Variants in SH3BP2 observed in about 807,000 individuals in gnomAD.
SH3BP2 encodes the protein SH3 domain-binding protein 2.
In SH3BP2, 38 loss-of-function variants were observed where a neutral mutation model predicts 56.2. The observed-to-expected ratio is 0.68, with a 90% CI of 0.52 to 0.89. The LOEUF is 0.89. Among genes scored for constraint, SH3BP2 ranks in the 40% least tolerant of loss-of-function variants. The pLI is 0.00. For synonymous variants in SH3BP2, 346 were observed against 316.7 expected (o/e 1.09, Z -0.98); for missense variants, 748 against 762.6 (o/e 0.98, Z 0.23).
intron 1 of SH3BP2, chr4:2,812,411 G>A (rs1409857958): frequency 6.5e-7 from 1 of 1,550,300 alleles, no homozygotes; most frequent in Admixed American, 2.0e-5. Flanking sequence ...GCCTCCCTGG[G>A]CCCCAGGACA....
At position 2,838,922 on chromosome 4, in the gene SH3BP2, T is replaced by C. The variant is rs756664239; in HGVS notation, c.*5088T>C. ...CTGGGTTCTAGGGTATGAAGATCTT[T>C]CTAAATATTGTTCTAGTTTACGTGC... On this transcript the variant is annotated 3_prime_UTR_variant, in exon 13 of 13. Transcript: ENST00000503393. The C allele has an allele frequency of 6.6e-6, 1 of 152,202 alleles. No homozygotes were observed. The highest frequency in any genetic ancestry group is 1.5e-5 in the Non-Finnish European group (1 of 68,032). 9.4% of individuals were successfully genotyped at this position (152,202 alleles called of 1,614,324 possible). A position where few individuals can be genotyped will look rare whatever the true frequency, so the allele number is the denominator to read the frequency against.
intron 1 of SH3BP2, among the ~76,000 whole-genome samples, chr4:2,802,550 ATATGTG>A (rs1412237912): frequency 4.9e-5 from 7 of 142,088 alleles, no homozygotes; most frequent in African/African-American, 1.7e-4. Context: ...GTGTGTATAT[ATATGTG>A]TATATATGTA....
At position 2,820,729 on chromosome 4, in the gene SH3BP2, G is replaced by C. The variant is rs773829474; in HGVS notation, c.112G>C (p.Gly38Arg). ...GGCTGGCTACCTGCACAAGAAGGGCGGTACCCAGCTGCAGCTGCTGAAATG... is the reference window on the plus strand; with the variant it reads ...GGCTGGCTACCTGCACAAGAAGGGCCGTACCCAGCTGCAGCTGCTGAAATG... ...AKAGYLHKKG[G>R]TQLQLLKWPL... Residue 38 changes from glycine (G) to arginine (R), a missense_variant, in exon 2 of 13, where the codon GGT becomes CGT. This residue lies in a region of SH3BP2 where 104 missense variants were observed against 123.1 expected (regional missense o/e 0.84). Coordinates refer to ENST00000503393, the MANE Select transcript of SH3BP2 (RefSeq NM_001122681.2). The C allele has an allele frequency of 2.5e-6, 4 of 1,613,944 alleles. No homozygotes were observed. Among genetic ancestry groups the C allele is most frequent in the Non-Finnish European group, 3.4e-6 (4 of 1,179,856 alleles).
In SH3BP2 at chr4:2,834,144, T is replaced by G; in HGVS notation, c.*310T>G. On this transcript the variant is annotated 3_prime_UTR_variant, in exon 13 of 13. Transcript: ENST00000503393. ...AAGGACAGGAACACTGGTCCCCCCATCACACTCACCCCTAAGTGGGCTGGG... is the reference window on the plus strand; with the variant it reads ...AAGGACAGGAACACTGGTCCCCCCAGCACACTCACCCCTAAGTGGGCTGGG... The G allele has an allele frequency of 2.9e-6, 1 of 346,884 alleles. No homozygotes were observed. The allele number at this position is 346,884 out of a possible 1,614,324, so 21.5% of individuals were successfully genotyped here.
At chr4:2,801,227 T>C (rs1723269159) in intron 1 of SH3BP2, among the ~76,000 whole-genome samples, 1 of 151,602 alleles carries the variant, frequency 6.6e-6, no homozygotes, top group Non-Finnish European at 1.5e-5. Flanking sequence ...TCACTGGGCC[T>C]CTCTGAACAG....
At chr4:2,794,379 C>T (rs1447601709) in intron 1 of SH3BP2, 1 of 152,300 alleles carries the variant, frequency 6.6e-6, no homozygotes, top group African/African-American at 2.4e-5. Flanking sequence ...CCACTCTGTC[C>T]ACTGTCTCCT....
At chr4:2,799,909 G>A (rs983254880) in intron 1 of SH3BP2, among the ~76,000 whole-genome samples, 3 of 152,304 alleles carry the variant, frequency 2.0e-5, no homozygotes, top group Admixed American at 6.5e-5. Flanking sequence ...GGTGGGGCCC[G>A]AGGGCCTGGT....
chr4:2,799,034 A>G, intron 1 of SH3BP2: 1 of 985,522 alleles, frequency 1.0e-6, no homozygotes, highest in Non-Finnish European at 1.2e-6. Context: ...GCGTCAGGTC[A>G]TCGAGGCCTC....
At chr4:2,826,610 TTG>T (rs767093213) in intron 5 of SH3BP2, 3 of 253,896 alleles carry the variant, frequency 1.2e-5, no homozygotes, top group South Asian at 5.6e-5. Context: ...TGCTCTGTGT[TTG>T]TGTGTGCATG....
chr4:2,806,183 A>C (rs10013269), intron 1 of SH3BP2, among the ~76,000 whole-genome samples: 10,003 of 152,290 alleles, frequency 0.066, 457 homozygotes, highest in Non-Finnish European at 0.097. Flanking sequence ...CCAAGGTCAC[A>C]TGCATAGAGC....
chr4:2,827,501 AG>A (rs1239413500), intron 6 of SH3BP2, 104 bp from the exon 7 acceptor site: 4 of 1,271,756 alleles, frequency 3.1e-6, no homozygotes, highest in Non-Finnish European at 4.5e-6. Context: ...TCCTCCCAGC[AG>A]GTGCTTGCCC....
In SH3BP2 at chr4:2,829,666, T is replaced by TC. The variant is rs1560110664; in HGVS notation, c.762dup (p.Lys255GlnfsTer11). 6.2e-7 allele frequency: 1 copy of TC among 1,612,148 alleles called. No individual in the cohort carries two copies. The highest frequency in any genetic ancestry group is 8.5e-7 in the Non-Finnish European group (1 of 1,179,672). ...AGATGTTGGCCTGGCTGCTGAGGAC[T>TC]CCAAGAGGGACCCACTGTGCCCGAG... On this transcript the variant is annotated frameshift_variant, in exon 8 of 13. Transcript: ENST00000503393. LOFTEE classifies it high-confidence loss of function. This position sits in a 1 kb window ranked among gnomAD's most constrained non-coding sequence, Gnocchi z 4.9.
In SH3BP2 at chr4:2,810,302, C is replaced by G. The variant is rs1488248447; in HGVS notation, c.-4-10312C>G. Among the ~76,000 whole-genome samples, 2 of 151,732 alleles carry G rather than the reference C, an allele frequency of 1.3e-5. No individual in the cohort carries two copies. The highest frequency in any genetic ancestry group is 2.9e-5 in the Non-Finnish European group (2 of 67,914). On this transcript the variant is annotated intron_variant, in intron 1 of 12. Transcript: ENST00000503393. This position sits in a 1 kb window ranked among gnomAD's most constrained non-coding sequence, Gnocchi z 4.2. ...GTCCCCTCACCTGGCCTGCTCCTCT[C>G]CTCTGGGCTGGACTCCCCCTGTAGC...
intron 1 of SH3BP2, chr4:2,818,753 G>C: frequency 1.7e-5 from 17 of 988,576 alleles, no homozygotes; most frequent in Non-Finnish European, 1.9e-5. Context: ...GCTGGGACCC[G>C]CCCCTGACCC....
At chr4:2,817,723 C>T (rs982342558) in intron 1 of SH3BP2, 2 of 152,114 alleles carry the variant, frequency 1.3e-5, no homozygotes, top group African/African-American at 4.8e-5. Context: ...CTTGGAGAAT[C>T]CGGGGCTGGA....
intron 3 of SH3BP2, chr4:2,823,704 C>G: frequency 5.6e-6 from 2 of 355,188 alleles, no homozygotes; most frequent in Non-Finnish European, 5.6e-6. Flanking sequence ...GCCCTGCACC[C>G]CACAGCATTT....
intron 1 of SH3BP2, chr4:2,812,414 C>G: frequency 6.5e-7 from 1 of 1,550,298 alleles, no homozygotes. Flanking sequence ...TCCCTGGGCC[C>G]CAGGACACCG....
chr4:2,798,660 T>C, intron 1 of SH3BP2: 1 of 152,548 alleles, frequency 6.6e-6, no homozygotes, highest in Non-Finnish European at 1.5e-5. Flanking sequence ...TGCTGGGGCC[T>C]GGCCTGGCAG....
intron 1 of SH3BP2, chr4:2,818,241 G>A (rs2108721955): frequency 1.0e-6 from 1 of 989,490 alleles, no homozygotes. Context: ...GCTCCGGGCC[G>A]CGGCCGCGGA....
Sources: gnomAD v4.1 joint callset for allele counts (sites outside exome capture counted in the v4.1 genomes callset) on GRCh38, gnomAD v4.1.1 for gene constraint, gnomAD v4.1.1 regional missense constraint, Gnocchi (gnomAD v3.1) non-coding constraint, MANE v1.5 for transcripts, NCBI Gene and HGNC (gene_info 2026-07-23, HGNC 2026-07-21) for gene names.